KNTC1: variants seen among roughly 807,000 people sequenced by gnomAD.
KNTC1 encodes kinetochore-associated protein 1.
In KNTC1, 253 loss-of-function variants were observed where a neutral mutation model predicts 314.4. The observed-to-expected ratio is 0.80, with a 90% CI of 0.73 to 0.89. The LOEUF is 0.89. Ranked by LOEUF, KNTC1 falls within the 40% of genes least tolerant of loss-of-function variation. The pLI, the probability that KNTC1 is intolerant of heterozygous loss-of-function variation, is 0.00. For missense variants in KNTC1, 2,475 were observed against 2,572.9 expected (o/e 0.96, Z 0.82); for synonymous variants, 901 against 901.4 (o/e 1.00, Z 0.01).
intron 6 of KNTC1, among the ~76,000 whole-genome samples, chr12:122,542,386 G>A (rs991756522): frequency 2.6e-5 from 4 of 152,138 alleles, no homozygotes; most frequent in African/African-American, 9.7e-5. Flanking sequence ...GTTTAGTTGG[G>A]GAGACAAGAC....
rs79170057 is a variant in KNTC1, at chr12:122,585,552, A to T, written c.3535-84A>T. 8,308 of 1,437,572 alleles carry T rather than the reference A, an allele frequency of 5.8e-3. 143 individuals are homozygous for T. Among genetic ancestry groups the T allele is most frequent in the African/African-American group, 0.054 (3,795 of 69,990 alleles). 89.1% of individuals were successfully genotyped at this position (1,437,572 alleles called of 1,614,324 possible). ...TCTGTTAGAGTTTAACTTAAAATGA[A>T]ATTTCTATAAGCCATAGACCAGAAG... On this transcript the variant is annotated intron_variant, in intron 36 of 63. Coordinates refer to ENST00000333479, the MANE Select transcript of KNTC1 (RefSeq NM_014708.6).
chr12:122,604,509 A>G (rs1212436667), intron 48 of KNTC1, 55 bp from the exon 49 acceptor site: 1 of 1,039,214 alleles, frequency 9.6e-7, no homozygotes, highest in Non-Finnish European at 1.4e-6. Flanking sequence ...ATTTTCTTGA[A>G]AAGATTAAGA....
At chr12:122,565,952 C>CTTT (rs527446641) in intron 20 of KNTC1, among the ~76,000 whole-genome samples, 16 of 128,250 alleles carry the variant, frequency 1.2e-4, no homozygotes, top group East Asian at 2.2e-4. Flanking sequence ...ACGTTTCAAT[C>CTTT]TTTTTTTTTT....
intron 20 of KNTC1, among the ~76,000 whole-genome samples, chr12:122,564,561 C>A (rs1018744701): frequency 1.3e-5 from 2 of 151,882 alleles, no homozygotes; most frequent in African/African-American, 4.8e-5. Flanking sequence ...TACCTGGTAT[C>A]CTCCCTGGTG....
intron 38 of KNTC1, 86 bp from the exon 39 acceptor site, chr12:122,587,625 C>A: frequency 9.6e-7 from 1 of 1,039,460 alleles, no homozygotes; most frequent in Non-Finnish European, 1.4e-6. Flanking sequence ...ATTGAAGAAG[C>A]AGGCTGTCCC....
intron 22 of KNTC1, 77 bp from the exon 23 acceptor site, chr12:122,570,799 A>T: frequency 1.0e-6 from 1 of 988,208 alleles, no homozygotes; most frequent in Non-Finnish European, 1.5e-6. Context: ...TTAAAGGAAA[A>T]AAAAGAAATC....
chr12:122,565,338 T>C (rs1472184760), intron 20 of KNTC1, among the ~76,000 whole-genome samples: 3 of 150,936 alleles, frequency 2.0e-5, no homozygotes, highest in Admixed American at 1.3e-4. Flanking sequence ...CAGGCTAGTC[T>C]CAAATTCCTG....
intron 3 of KNTC1, 47 bp from the exon 4 acceptor site, chr12:122,538,292 A>G: frequency 9.0e-7 from 1 of 1,105,438 alleles, no homozygotes. Flanking sequence ...TGTATTGAAA[A>G]TAAAGATTTT....
chr12:122,568,244 CTTCT>C lies in KNTC1; in HGVS notation c.1605-14_1605-11del, dbSNP rs762483570. ...TTTTTTTTAAAACTGACTTTTTTCC[CTTCT>C]TTGTCTATTCAGTGGCAGTTCTTGG... is the stretch of plus-strand genomic sequence containing the variant. On this transcript the variant is annotated splice_polypyrimidine_tract_variant and intron_variant, in intron 20 of 63. Coordinates refer to ENST00000333479, the MANE Select transcript of KNTC1 (RefSeq NM_014708.6). 1.6e-6 allele frequency: 2 copies of C among 1,244,924 alleles called. No individual in the cohort carries two copies. The highest frequency in any genetic ancestry group is 4.7e-5 in the East Asian group (2 of 42,578). 77.1% of individuals were successfully genotyped at this position (1,244,924 alleles called of 1,614,324 possible).
At position 122,620,456 on chromosome 12, in the gene KNTC1, CTAAT is replaced by C; in HGVS notation, c.6150-18_6150-15del. ...TCTAGTGAATCTGCCAGATTATTAA[CTAAT>C]TAATGTTCTCTCTCGAAGATGTCCA... is the stretch of plus-strand genomic sequence containing the variant. On this transcript the variant is annotated intron_variant, in intron 59 of 63. Coordinates refer to ENST00000333479, the MANE Select transcript of KNTC1 (RefSeq NM_014708.6). 6.2e-7 allele frequency: 1 copy of C among 1,602,986 alleles called. No individual in the cohort carries two copies. Among genetic ancestry groups the C allele is most frequent in the Non-Finnish European group, 8.5e-7 (1 of 1,172,812 alleles).
rs114172365 is a variant in KNTC1, at chr12:122,573,931, A to C, written c.2284-351A>C. 2.8e-3 allele frequency among the ~76,000 whole-genome samples: 425 copies of C among 152,226 alleles called. 3 individuals are homozygous for C. Among genetic ancestry groups the C allele is most frequent in the African/African-American group, 9.8e-3 (407 of 41,520 alleles). On this transcript the variant is annotated intron_variant, in intron 26 of 63. Transcript: ENST00000333479. Reference sequence around the variant, plus strand: ...TGGGGGCCCAAGATATTTCCCTTTCACAGTACTTTCTTCAAAGGGCTATTG... The same window carrying C: ...TGGGGGCCCAAGATATTTCCCTTTCCCAGTACTTTCTTCAAAGGGCTATTG...
At chr12:122,604,697 A>G in intron 49 of KNTC1, 60 bp downstream of exon 49, 1 of 1,317,366 alleles carries the variant, frequency 7.6e-7, no homozygotes, top group Non-Finnish European at 1.1e-6. Flanking sequence ...GTACTAGCTT[A>G]ATTTACCTTC....
At chr12:122,585,554 T>G (rs1418963725) in intron 36 of KNTC1, 82 bp from the exon 37 acceptor site, 1 of 1,451,728 alleles carries the variant, frequency 6.9e-7, no homozygotes, top group African/African-American at 1.4e-5. Flanking sequence ...TAAAATGAAA[T>G]TTCTATAAGC....
At chr12:122,567,543 T>A (rs1964426079) in intron 20 of KNTC1, among the ~76,000 whole-genome samples, 1 of 152,168 alleles carries the variant, frequency 6.6e-6, no homozygotes, top group African/African-American at 2.4e-5. Context: ...GAACACTTAC[T>A]TATTTAAAAA....
At chr12:122,573,713 C>T (rs75269781) in intron 26 of KNTC1, among the ~76,000 whole-genome samples, 11,505 of 152,180 alleles carry the variant, frequency 0.076, 568 homozygotes, top group Middle Eastern at 0.13. Context: ...CAGGAAGACT[C>T]CAAGCGAGAG....
intron 20 of KNTC1, among the ~76,000 whole-genome samples, chr12:122,563,159 G>A (rs1018795760): frequency 2.0e-5 from 3 of 152,052 alleles, no homozygotes; most frequent in Non-Finnish European, 4.4e-5. Flanking sequence ...AAAACGGGCT[G>A]AACATCCTTG....
intron 3 of KNTC1, among the ~76,000 whole-genome samples, chr12:122,535,916 GTC>G (rs1403297000): frequency 6.9e-6 from 1 of 145,554 alleles, no homozygotes; most frequent in Admixed American, 6.8e-5. Flanking sequence ...TTGAGATGGA[GTC>G]TCTCTCGCTC....
At chr12:122,550,968 G>A (rs1031557546) in intron 13 of KNTC1, among the ~76,000 whole-genome samples, 14 of 152,130 alleles carry the variant, frequency 9.2e-5, no homozygotes, top group African/African-American at 2.7e-4. Context: ...ACCACATCAC[G>A]TTAAGAGGCT....
In KNTC1 at chr12:122,613,197, A is replaced by C; in HGVS notation, c.5708A>C (p.Glu1903Ala). 6.2e-7 allele frequency: 1 copy of C among 1,610,916 alleles called. No individual in the cohort carries two copies. Among genetic ancestry groups the C allele is most frequent in the Non-Finnish European group, 8.5e-7 (1 of 1,177,468 alleles). ...TATTTGGCTGACAAGGAAACTATAGAATCTCTCTTTAAAAAACCCATTGAA... is the reference window on the plus strand; with the variant it reads ...TATTTGGCTGACAAGGAAACTATAGCATCTCTCTTTAAAAAACCCATTGAA... Reference protein sequence around the residue: ...LFYLADKETIESLFKKPIEEV... With the variant: ...LFYLADKETIASLFKKPIEEV... Residue 1903 changes from glutamate to alanine, a missense_variant, in exon 54 of 64, where the codon GAA becomes GCA. Glu to Ala is a moderately radical substitution (Grantham distance 107, BLOSUM62 -1). Transcript: ENST00000333479.
Sources: allele counts gnomAD v4.1 joint callset (sites outside exome capture counted in the v4.1 genomes callset), GRCh38; gene constraint gnomAD v4.1.1; transcripts MANE v1.5; gene names NCBI Gene and HGNC (gene_info 2026-07-23, HGNC 2026-07-21).